The following XIRP2 variants were observed in gnomAD, a reference collection of about 807,000 sequenced individuals.
XIRP2 encodes the protein xin actin binding repeat containing 2, also known as xin actin-binding repeat-containing protein 2.
A neutral mutation model predicts 277.0 loss-of-function variants in XIRP2; 236 were observed. That is an observed-to-expected ratio of 0.85 (90% confidence interval 0.77 to 0.95). XIRP2 has a LOEUF of 0.95. Among genes scored for constraint, XIRP2 ranks in the 40% least tolerant of loss-of-function variants. The pLI, the probability that XIRP2 is intolerant of heterozygous loss-of-function variation, is 0.00. For synonymous variants in XIRP2, 1,490 were observed against 1,416.5 expected (o/e 1.05, Z -1.17); for missense variants, 4,640 against 4,157.5 (o/e 1.12, Z -3.19).
At chr2:167,161,824 C>G (rs1692378082) in intron 3 of XIRP2, among the ~76,000 whole-genome samples, 1 of 152,170 alleles carries the variant, frequency 6.6e-6, no homozygotes, top group Non-Finnish European at 1.5e-5. Flanking sequence ...ATGGGGTTTT[C>G]TTTTCTATCG....
At chr2:166,901,433 A>T (rs1361944950) in intron 1 of XIRP2, among the ~76,000 whole-genome samples, 2 of 152,058 alleles carry the variant, frequency 1.3e-5, no homozygotes, top group Non-Finnish European at 2.9e-5. Context: ...GTCTATTCCA[A>T]CTTGATCCAG....
intron 3 of XIRP2, among the ~76,000 whole-genome samples, chr2:167,139,242 C>T (rs751013209): frequency 1.1e-4 from 16 of 151,800 alleles, no homozygotes; most frequent in Admixed American, 3.9e-4. Context: ...TATACTCTTC[C>T]TGCTGAAAAA....
At position 167,037,518 on chromosome 2, in the gene XIRP2, G is replaced by GTGTGT. The variant is rs1553481077; in HGVS notation, c.409-98391_409-98390insTGTGT. 9.3e-3 allele frequency among the ~76,000 whole-genome samples: 1,176 copies of GTGTGT among 126,438 alleles called. 21 individuals are homozygous for GTGTGT. Among genetic ancestry groups the GTGTGT allele is most frequent in the East Asian group, 0.037 (170 of 4,554 alleles). The allele number at this position is 126,438 out of a possible 152,430, so 82.9% of individuals were successfully genotyped here. On this transcript the variant is annotated intron_variant, in intron 2 of 10. Transcript: ENST00000409195. ...TGGCTTGAGGTTTTTTCATGTGGGGGGTGTGTGTGTGTGTGTGTGTGTGTG... is the reference window on the plus strand; with the variant it reads ...TGGCTTGAGGTTTTTTCATGTGGGGGTGTGTGTGTGTGTGTGTGTGTGTGTGTGTG...
chr2:167,140,697 A>G (rs532531163), intron 3 of XIRP2: 2 of 152,300 alleles, frequency 1.3e-5, no homozygotes, highest in South Asian at 2.1e-4. Context: ...ATTAGGAAAA[A>G]TATTGTCAGT....
chr2:167,069,604 G>A (rs1303604322), intron 2 of XIRP2, among the ~76,000 whole-genome samples: 2 of 152,058 alleles, frequency 1.3e-5, no homozygotes, highest in African/African-American at 4.8e-5. Context: ...GAAGGAAACT[G>A]ACCGTGTGCA....
At chr2:166,930,670 T>G (rs150543539) in intron 2 of XIRP2, among the ~76,000 whole-genome samples, 1 of 152,346 alleles carries the variant, frequency 6.6e-6, no homozygotes, top group East Asian at 1.9e-4. Context: ...ATTATCTGAT[T>G]ATTTTGGTAA....
chr2:166,970,567 A>G (rs1174397567), intron 2 of XIRP2, among the ~76,000 whole-genome samples: 1 of 151,932 alleles, frequency 6.6e-6, no homozygotes, highest in Non-Finnish European at 1.5e-5. Context: ...TAATATCATG[A>G]ACTATTCTCA....
At chr2:166,938,745 T>C (rs1685597482) in intron 2 of XIRP2, among the ~76,000 whole-genome samples, 1 of 152,174 alleles carries the variant, frequency 6.6e-6, no homozygotes, top group Non-Finnish European at 1.5e-5. Flanking sequence ...TCTTTGTAGG[T>C]CTCTAAGGAA....
chr2:166,911,345 T>C (rs938997788), intron 2 of XIRP2, among the ~76,000 whole-genome samples: 3 of 152,218 alleles, frequency 2.0e-5, no homozygotes, highest in Non-Finnish European at 2.9e-5. Context: ...TCTCGTTGAA[T>C]TGATCCCTTT....
At chr2:167,094,794 A>G (rs1690249584) in intron 2 of XIRP2, among the ~76,000 whole-genome samples, 1 of 152,230 alleles carries the variant, frequency 6.6e-6, no homozygotes, top group Non-Finnish European at 1.5e-5. Context: ...TGTCTTGGCA[A>G]TGCGGGCTCT....
rs549078580 is a variant in XIRP2 at position 167,148,388 on chromosome 2, GAAAAGAAAGAAAGA to G, written c.562+12341_562+12354del. ...CAAAAGTGGAAAAGGAAAGAAAGAAGAAAAGAAAGAAAGAAAAAGAAAGAAAGAGAGAAAGAAAG... is the reference window on the plus strand; with the variant it reads ...CAAAAGTGGAAAAGGAAAGAAAGAAGAAAAGAAAGAAAGAGAGAAAGAAAG... On this transcript the variant is annotated intron_variant, in intron 3 of 10. Coordinates refer to ENST00000409195, the MANE Select transcript of XIRP2 (RefSeq NM_152381.6). Among the ~76,000 whole-genome samples the G allele has an allele frequency of 6.4e-3, 711 of 111,542 alleles. 3 individuals are homozygous for G. Among genetic ancestry groups the G allele is most frequent in the Non-Finnish European group, 8.7e-3 (459 of 52,710 alleles). 73.2% of individuals were successfully genotyped at this position (111,542 alleles called of 152,430 possible). A position where few individuals can be genotyped will look rare whatever the true frequency, so the allele number is the denominator to read the frequency against.
At position 167,251,944 on chromosome 2, in the gene XIRP2, A is replaced by G. The variant is rs1695523242; in HGVS notation, c.10552A>G (p.Ser3518Gly). 1 of 1,546,596 alleles carries G rather than the reference A, an allele frequency of 6.5e-7. No homozygotes were observed. The highest frequency in any genetic ancestry group is 1.3e-5 in the South Asian group (1 of 76,806). ...CTTCCAAGAGGAATCTGCATTTATAAGTGGTAAATGAGCTTGCAATGTGTT... is the reference window on the plus strand; with the variant it reads ...CTTCCAAGAGGAATCTGCATTTATAGGTGGTAAATGAGCTTGCAATGTGTT... ...TTFQEESAFI[S>G]EAAAPRQGNM... Residue 3518 changes from serine (S) to glycine (G), a missense_variant, in exon 9 of 11, where the codon AGT becomes GGT. By Grantham distance (56) the Ser-to-Gly change is moderately conservative. Coordinates refer to ENST00000409195, the MANE Select transcript of XIRP2 (RefSeq NM_152381.6).
chr2:167,006,352 G>A (rs1329825604), intron 2 of XIRP2, among the ~76,000 whole-genome samples: 2 of 151,674 alleles, frequency 1.3e-5, no homozygotes, highest in African/African-American at 2.4e-5. Flanking sequence ...ATGTGTAGAG[G>A]ATCCAAAGTC....
intron 2 of XIRP2, among the ~76,000 whole-genome samples, chr2:166,945,256 T>G (rs1351745054): frequency 6.6e-6 from 1 of 152,160 alleles, no homozygotes; most frequent in Admixed American, 6.6e-5. Flanking sequence ...CTCTGTAGTC[T>G]CCTATACATG....
chr2:167,207,430 A>C (rs1466938824), intron 3 of XIRP2, among the ~76,000 whole-genome samples: 1 of 152,210 alleles, frequency 6.6e-6, no homozygotes, highest in Non-Finnish European at 1.5e-5. Flanking sequence ...AAGGAATCAC[A>C]GAGGGGTCGC....
At chr2:167,083,294 T>C (rs1486010688) in intron 2 of XIRP2, among the ~76,000 whole-genome samples, 9 of 152,204 alleles carry the variant, frequency 5.9e-5, no homozygotes, top group Non-Finnish European at 1.3e-4. Flanking sequence ...TTCTGTTCCA[T>C]TGATCTATAT....
chr2:167,071,437 G>A (rs189132855), intron 2 of XIRP2, among the ~76,000 whole-genome samples: 8 of 152,226 alleles, frequency 5.3e-5, no homozygotes, highest in East Asian at 1.9e-4. Flanking sequence ...CCGACACGCC[G>A]GAACAAGCCT....
chr2:167,005,017 G>T (rs1433135668), intron 2 of XIRP2, among the ~76,000 whole-genome samples: 1 of 151,798 alleles, frequency 6.6e-6, no homozygotes, highest in African/African-American at 2.4e-5. Flanking sequence ...GTAGCAGACA[G>T]ATCAGGCCAC....
chr2:166,934,579 A>G (rs1156858773), intron 2 of XIRP2, among the ~76,000 whole-genome samples: 1 of 152,206 alleles, frequency 6.6e-6, no homozygotes, highest in Non-Finnish European at 1.5e-5. Flanking sequence ...TTAAGCTGCT[A>G]ATTTTGTGGC....
Sources: allele counts gnomAD v4.1 joint callset (sites outside exome capture counted in the v4.1 genomes callset), GRCh38; gene constraint gnomAD v4.1.1; transcripts MANE v1.5; gene names NCBI Gene and HGNC (gene_info 2026-07-23, HGNC 2026-07-21).